The following TBC1D32 variants were observed in gnomAD, a reference collection of about 807,000 sequenced individuals.
TBC1D32 encodes TBC1 domain family member 32.
Under a neutral mutation model 170.3 loss-of-function variants are expected in TBC1D32, and 151 were observed. That is an observed-to-expected ratio of 0.89 (90% CI 0.78 to 1.01). TBC1D32 has a LOEUF of 1.01. Ranked by LOEUF, TBC1D32 falls within the 50% of genes least tolerant of loss-of-function variation. The probability of loss-of-function intolerance (pLI) is 0.00; values close to 1 mark genes in which losing one functional copy is unlikely to be tolerated. For synonymous variants in TBC1D32, 498 were observed against 488.0 expected, an observed-to-expected ratio of 1.02 and a Z score of -0.27; for missense variants, 1,464 against 1,457.1, an observed-to-expected ratio of 1.00 and a Z score of -0.08.
intron 25 of TBC1D32, among the ~76,000 whole-genome samples, chr6:121,130,629 ATACTTCTC>A (rs1478586654): frequency 6.6e-6 from 1 of 152,152 alleles, no homozygotes; most frequent in Non-Finnish European, 1.5e-5. Context: ...TAAACAGCTG[ATACTTCTC>A]TTTTGTCTTA....
intron 15 of TBC1D32, 143 bp from the exon 16 acceptor site, chr6:121,256,428 T>A: frequency 1.5e-6 from 1 of 648,254 alleles, no homozygotes; most frequent in Non-Finnish European, 2.6e-6. Context: ...TTCCCACCCA[T>A]GCACAGATGT....
At chr6:121,096,754 A>C (rs1220963572) in intron 30 of TBC1D32, among the ~76,000 whole-genome samples, 1 of 152,150 alleles carries the variant, frequency 6.6e-6, no homozygotes, top group Non-Finnish European at 1.5e-5. Context: ...TCCTAAGCCA[A>C]AAGAACAAAG....
intron 22 of TBC1D32, among the ~76,000 whole-genome samples, chr6:121,192,729 G>T (rs1790230320): frequency 6.6e-6 from 1 of 152,072 alleles, no homozygotes; most frequent in Non-Finnish European, 1.5e-5. Context: ...ATGAAGCTGA[G>T]GACACTGAGT....
intron 30 of TBC1D32, among the ~76,000 whole-genome samples, chr6:121,095,427 T>C (rs895445085): frequency 3.3e-5 from 5 of 152,184 alleles, no homozygotes; most frequent in African/African-American, 7.2e-5. Context: ...CCTTTATTTC[T>C]TTCTCTTGCC....
At chr6:121,309,763 G>C (rs1339141968) in intron 4 of TBC1D32, among the ~76,000 whole-genome samples, 1 of 152,148 alleles carries the variant, frequency 6.6e-6, no homozygotes, top group African/African-American at 2.4e-5. Context: ...GCCAGGCACA[G>C]TGGCTCACAC....
At chr6:121,187,712 A>G (rs1244898519) in intron 22 of TBC1D32, among the ~76,000 whole-genome samples, 1 of 149,072 alleles carries the variant, frequency 6.7e-6, no homozygotes, top group Non-Finnish European at 1.5e-5. Context: ...AATTCCCAGG[A>G]TGATGATGAA....
At chr6:121,101,525 C>A (rs1470453536) in intron 30 of TBC1D32, among the ~76,000 whole-genome samples, 1 of 152,070 alleles carries the variant, frequency 6.6e-6, no homozygotes, top group Non-Finnish European at 1.5e-5. Context: ...AGGCCTTTGA[C>A]AAAATTCAAC....
At chr6:121,156,600 G>A (rs747081236) in intron 24 of TBC1D32, among the ~76,000 whole-genome samples, 3 of 151,828 alleles carry the variant, frequency 2.0e-5, no homozygotes, top group African/African-American at 2.4e-5. Context: ...CTCTAGGTAT[G>A]ATGTTAGATC....
chr6:121,125,465 T>C (rs1433982199), intron 26 of TBC1D32, among the ~76,000 whole-genome samples: 2 of 151,418 alleles, frequency 1.3e-5, no homozygotes, highest in Non-Finnish European at 2.9e-5. Flanking sequence ...GTATCTCCTG[T>C]AGGAAGGAGG....
chr6:121,246,351 A>G (rs1217379955), intron 17 of TBC1D32, among the ~76,000 whole-genome samples: 1 of 152,182 alleles, frequency 6.6e-6, no homozygotes, highest in African/African-American at 2.4e-5. Flanking sequence ...AACAATACAC[A>G]TTAAAGTCAG....
At chr6:121,183,084 C>G (rs768158888) in intron 22 of TBC1D32, among the ~76,000 whole-genome samples, 1 of 151,788 alleles carries the variant, frequency 6.6e-6, no homozygotes, top group African/African-American at 2.4e-5. Flanking sequence ...CAGAGCATCT[C>G]TATGTATGTG....
intron 9 of TBC1D32, among the ~76,000 whole-genome samples, chr6:121,302,132 A>G (rs1025518569): frequency 7.2e-5 from 11 of 152,308 alleles, no homozygotes; most frequent in South Asian, 2.1e-4. Flanking sequence ...TCCTCATAGT[A>G]TATCTCTTAG....
chr6:121,099,644 C>A (rs1236645102), intron 30 of TBC1D32, among the ~76,000 whole-genome samples: 1 of 151,764 alleles, frequency 6.6e-6, no homozygotes, highest in Admixed American at 6.6e-5. Flanking sequence ...ATCACATATA[C>A]CCACTTAGTT....
chr6:121,248,354 A>T (rs1205956415), intron 17 of TBC1D32, among the ~76,000 whole-genome samples: 1 of 152,106 alleles, frequency 6.6e-6, no homozygotes, highest in Non-Finnish European at 1.5e-5. Flanking sequence ...AAATGCCTAC[A>T]TCAAAAAGTC....
At chr6:121,297,861 C>T (rs1583629723) in intron 10 of TBC1D32, among the ~76,000 whole-genome samples, 2 of 152,048 alleles carry the variant, frequency 1.3e-5, no homozygotes, top group Admixed American at 6.6e-5. Context: ...TATTGTACAA[C>T]ACAGATATTT....
chr6:121,284,831 T>C (rs1467424825), intron 12 of TBC1D32, among the ~76,000 whole-genome samples: 1 of 152,160 alleles, frequency 6.6e-6, no homozygotes, highest in Non-Finnish European at 1.5e-5. Context: ...AAGTATACAT[T>C]AGTATATTTC....
chr6:121,333,862 T>A (rs1037651851), intron 1 of TBC1D32, among the ~76,000 whole-genome samples: 20 of 151,402 alleles, frequency 1.3e-4, no homozygotes, highest in African/African-American at 4.4e-4. Context: ...AGGTAGGGAG[T>A]TCGAGACCAA....
At chr6:121,192,421 T>C (rs984548786) in intron 22 of TBC1D32, 1 of 152,136 alleles carries the variant, frequency 6.6e-6, no homozygotes. Context: ...AGTTGGTTGG[T>C]TGCTCCTAAG....
At chr6:121,262,847 A>AAATAAAAT (rs1799950026) in intron 15 of TBC1D32, among the ~76,000 whole-genome samples, 1 of 152,182 alleles carries the variant, frequency 6.6e-6, no homozygotes, top group South Asian at 2.1e-4. Context: ...CTTCATAAAT[A>AAATAAAAT]AATAAAATCC....
Sources: allele counts gnomAD v4.1 joint callset (sites outside exome capture counted in the v4.1 genomes callset), GRCh38; gene constraint gnomAD v4.1.1; transcripts MANE v1.5; gene names NCBI Gene and HGNC (gene_info 2026-07-23, HGNC 2026-07-21).